The following AGBL4 variants were observed in gnomAD, a reference collection of about 807,000 sequenced individuals.
The protein encoded by AGBL4 is AGBL carboxypeptidase 4, also known as cytosolic carboxypeptidase 6.
In AGBL4, 58 loss-of-function variants were observed where a neutral mutation model predicts 66.4. That is an observed-to-expected ratio of 0.87 (90% CI 0.71 to 1.09). AGBL4 has a LOEUF of 1.09. Among genes scored for constraint, AGBL4 ranks in the 50% least tolerant of loss-of-function variants. The probability of loss-of-function intolerance (pLI) is 0.00; values close to 1 mark genes in which losing one functional copy is unlikely to be tolerated. For synonymous variants in AGBL4, 234 were observed against 222.9 expected (o/e 1.05, Z -0.44); for missense variants, 579 against 631.0 (o/e 0.92, Z 0.88).
intron 3 of AGBL4, among the ~76,000 whole-genome samples, chr1:49,639,145 T>C (rs948029137): frequency 6.6e-6 from 1 of 152,112 alleles, no homozygotes; most frequent in Non-Finnish European, 1.5e-5. Flanking sequence ...CCTCGGCACC[T>C]AGAAATCTGC....
chr1:49,065,129 G>A (rs1195686468), intron 4 of AGBL4, among the ~76,000 whole-genome samples: 2 of 152,118 alleles, frequency 1.3e-5, no homozygotes, highest in Admixed American at 6.5e-5. Context: ...AATAGAATGT[G>A]GTAGGAGAGA....
intron 3 of AGBL4, among the ~76,000 whole-genome samples, chr1:49,572,069 G>A (rs1052340475): frequency 2.2e-4 from 34 of 152,056 alleles, no homozygotes; most frequent in South Asian, 4.1e-4. Flanking sequence ...TTGGTAGCAG[G>A]GTGACACTGG....
intron 1 of AGBL4, among the ~76,000 whole-genome samples, chr1:49,887,235 A>G (rs1648161698): frequency 6.7e-6 from 1 of 150,354 alleles, no homozygotes; most frequent in Non-Finnish European, 1.5e-5. Context: ...TATACATTGT[A>G]TATATATGTG....
intron 5 of AGBL4, among the ~76,000 whole-genome samples, chr1:48,933,939 C>T (rs1172401776): frequency 6.6e-6 from 1 of 152,148 alleles, no homozygotes; most frequent in African/African-American, 2.4e-5. Context: ...TTCTTGGTTC[C>T]CCTTGCTGCT....
At chr1:50,014,794 G>A (rs1445631554) in intron 1 of AGBL4, among the ~76,000 whole-genome samples, 1 of 151,914 alleles carries the variant, frequency 6.6e-6, no homozygotes. Context: ...CAAAGTGCTG[G>A]GATTACAGGC....
chr1:49,706,551 T>G lies in AGBL4; in HGVS notation c.158-9114A>C, dbSNP rs567659604. On this transcript the variant is annotated intron_variant, in intron 2 of 13. Transcript: ENST00000371839. Reference sequence around the variant, plus strand: ...GGTTTTTCATCTCTATCTCCTTCAGTTCTGCCCTGATATTAGTTATTTCTT... The same window carrying G: ...GGTTTTTCATCTCTATCTCCTTCAGGTCTGCCCTGATATTAGTTATTTCTT... Among the ~76,000 whole-genome samples the G allele has an allele frequency of 2.0e-5, 3 of 152,286 alleles. No homozygotes were observed. The South Asian group carries it at 6.2e-4, about 32-fold the overall frequency.
At chr1:49,900,395 A>C (rs1293060606) in intron 1 of AGBL4, among the ~76,000 whole-genome samples, 2 of 151,708 alleles carry the variant, frequency 1.3e-5, no homozygotes, top group Non-Finnish European at 2.9e-5. Flanking sequence ...ACAGGCATGC[A>C]CCACCACGCC....
chr1:49,247,754 T>G (rs1012223304), intron 3 of AGBL4, among the ~76,000 whole-genome samples: 9 of 152,204 alleles, frequency 5.9e-5, no homozygotes, highest in Admixed American at 5.2e-4. Context: ...AAACATGCAC[T>G]GATCATTAAC....
chr1:48,849,691 G>T (rs1646990476), intron 6 of AGBL4, among the ~76,000 whole-genome samples: 2 of 152,164 alleles, frequency 1.3e-5, no homozygotes, highest in Admixed American at 1.3e-4. Flanking sequence ...CACTTTTTGA[G>T]ACTGGGGGCG....
intron 11 of AGBL4, among the ~76,000 whole-genome samples, chr1:48,544,435 T>C (rs897491271): frequency 4.6e-5 from 7 of 152,246 alleles, no homozygotes; most frequent in Non-Finnish European, 1.0e-4. Flanking sequence ...ATGCTGTGTA[T>C]GGCAGATCGT....
At chr1:48,833,368 A>G (rs1366282653) in intron 6 of AGBL4, among the ~76,000 whole-genome samples, 1 of 152,226 alleles carries the variant, frequency 6.6e-6, no homozygotes, top group Admixed American at 6.5e-5. Context: ...TGTGAAAGGT[A>G]GAACTTGCAA....
intron 6 of AGBL4, among the ~76,000 whole-genome samples, chr1:48,753,984 G>A (rs766602381): frequency 1.3e-4 from 20 of 152,170 alleles, no homozygotes; most frequent in Non-Finnish European, 2.2e-4. Flanking sequence ...ACATATTTGT[G>A]TTCCCTGTGA....
intron 3 of AGBL4, among the ~76,000 whole-genome samples, chr1:49,557,871 C>T (rs1203847162): frequency 1.3e-5 from 2 of 151,584 alleles, no homozygotes; most frequent in Non-Finnish European, 2.9e-5. Context: ...CCAAAAGAGA[C>T]CCCTTCCTTC....
intron 3 of AGBL4, among the ~76,000 whole-genome samples, chr1:49,667,050 C>T (rs566589589): frequency 9.2e-5 from 14 of 152,234 alleles, no homozygotes; most frequent in Non-Finnish European, 1.9e-4. Flanking sequence ...CTTCAGTTAC[C>T]TATAACTATC....
intron 3 of AGBL4, among the ~76,000 whole-genome samples, chr1:49,584,757 T>C (rs1016303646): frequency 2.0e-5 from 3 of 152,172 alleles, no homozygotes; most frequent in South Asian, 4.1e-4. Context: ...AGCTTCAGGG[T>C]ATATCTGCCT....
chr1:49,920,521 C>A (rs1652112048), intron 1 of AGBL4, among the ~76,000 whole-genome samples: 2 of 152,120 alleles, frequency 1.3e-5, no homozygotes, highest in Admixed American at 1.3e-4. Flanking sequence ...CACAGAAATG[C>A]AAATCAAAAC....
intron 3 of AGBL4, among the ~76,000 whole-genome samples, chr1:49,293,309 G>A (rs1010375866): frequency 2.0e-5 from 3 of 152,324 alleles, no homozygotes; most frequent in Non-Finnish European, 4.4e-5. Context: ...GGCAGGCATA[G>A]GATCCAAGCC....
At position 48,822,599 on chromosome 1, in the gene AGBL4, CTT is replaced by C. The variant is rs371933222; in HGVS notation, c.634+44590_634+44591del. 5.1e-4 allele frequency among the ~76,000 whole-genome samples: 78 copies of C among 152,314 alleles called. No individual in the cohort carries two copies. In the East Asian group the frequency reaches 0.013, roughly 26 times the overall value. On this transcript the variant is annotated intron_variant, in intron 6 of 13. Coordinates refer to ENST00000371839, the MANE Select transcript of AGBL4 (RefSeq NM_032785.4). ...GCTCTATTGATCTAAATGTATATGT[CTT>C]TGTCAATACCACACTGTCTTGATTA...
At chr1:49,114,909 A>G (rs1645485153) in intron 4 of AGBL4, among the ~76,000 whole-genome samples, 1 of 152,228 alleles carries the variant, frequency 6.6e-6, no homozygotes, top group African/African-American at 2.4e-5. Context: ...AAATCACCAT[A>G]GCAGATATAA....
Sources: allele counts gnomAD v4.1 joint callset (sites outside exome capture counted in the v4.1 genomes callset), GRCh38; gene constraint gnomAD v4.1.1; transcripts MANE v1.5; gene names NCBI Gene and HGNC (gene_info 2026-07-23, HGNC 2026-07-21).